PKP4: variants seen among roughly 807,000 people sequenced by gnomAD.
The protein encoded by PKP4 is plakophilin 4, also known as plakophilin-4.
PKP4 carries 90 observed loss-of-function variants against 145.1 expected under a neutral mutation model. That is an observed-to-expected ratio of 0.62 (90% CI 0.52 to 0.74). The LOEUF (loss-of-function observed/expected upper bound fraction) is 0.74, where lower values mean the gene tolerates loss of function less well. Among genes scored for constraint, PKP4 ranks in the 30% least tolerant of loss-of-function variants. The probability of loss-of-function intolerance (pLI) is 0.00; values close to 1 mark genes in which losing one functional copy is unlikely to be tolerated. For synonymous variants in PKP4, 563 were observed against 577.2 expected (o/e 0.98, Z 0.35); for missense variants, 1,340 against 1,482.7 (o/e 0.90, Z 1.58).
chr2:158,672,848 TA>T (rs11341504), intron 17 of PKP4, among the ~76,000 whole-genome samples: 91,378 of 151,924 alleles, frequency 0.6, 28,170 homozygotes, highest in East Asian at 0.78. Flanking sequence ...ATTGGGAAGA[TA>T]ACGGAGTAGA....
Position 158,673,657 on chromosome 2 carries a change from T to C in PKP4, c.2925-20T>C, listed in dbSNP as rs374035941. ...AGGCTGTGTCACCCACATTCATTAA[T>C]ATCCTTGCTCTCTACCTAGATCATC... On this transcript the variant is annotated intron_variant, in intron 17 of 21. Coordinates refer to ENST00000389759, the MANE Select transcript of PKP4 (RefSeq NM_003628.6). 2 of 1,578,618 alleles carry C rather than the reference T, an allele frequency of 1.3e-6. No individual in the cohort carries two copies. The highest frequency in any genetic ancestry group is 1.7e-6 in the Non-Finnish European group (2 of 1,149,238).
chr2:158,679,984 A>G (rs1162892301), intron 21 of PKP4, among the ~76,000 whole-genome samples: 1 of 152,224 alleles, frequency 6.6e-6, no homozygotes, highest in African/African-American at 2.4e-5. Context: ...TAATTATACA[A>G]TTATCCAAGG....
intron 9 of PKP4, among the ~76,000 whole-genome samples, chr2:158,637,995 C>T (rs1342061433): frequency 6.6e-6 from 1 of 152,274 alleles, no homozygotes; most frequent in Admixed American, 6.5e-5. Context: ...CTCATGGCAC[C>T]GGGGATGTCA....
intron 3 of PKP4, among the ~76,000 whole-genome samples, chr2:158,594,857 G>A (rs1001196702): frequency 2.6e-5 from 4 of 152,130 alleles, no homozygotes; most frequent in South Asian, 4.1e-4. Context: ...GAGCCCCTCC[G>A]AGGTGGTAGT....
chr2:158,628,498 T>C (rs979172320), intron 7 of PKP4, among the ~76,000 whole-genome samples: 2 of 152,212 alleles, frequency 1.3e-5, no homozygotes, highest in Admixed American at 6.5e-5. Context: ...ATTTATTATG[T>C]CATTCAGAAG....
intron 13 of PKP4, 187 bp from the exon 14 acceptor site, chr2:158,662,710 C>A (rs1048999151): frequency 8.1e-6 from 4 of 492,118 alleles, no homozygotes; most frequent in Non-Finnish European, 1.4e-5. Context: ...GCTCTGCATC[C>A]TGTCATCTGG....
chr2:158,598,717 C>G (rs574607216), intron 3 of PKP4, among the ~76,000 whole-genome samples: 266 of 152,168 alleles, frequency 1.7e-3, no homozygotes, highest in Non-Finnish European at 3.0e-3. Flanking sequence ...TGCAGTGAGG[C>G]GAGATCGCGC....
At chr2:158,518,677 C>T (rs545700061) in intron 1 of PKP4, among the ~76,000 whole-genome samples, 3 of 152,170 alleles carry the variant, frequency 2.0e-5, no homozygotes, top group Non-Finnish European at 4.4e-5. Context: ...GCAGAATTTC[C>T]TTTTATTCAG....
At chr2:158,530,459 G>A (rs1449497032) in intron 1 of PKP4, among the ~76,000 whole-genome samples, 1 of 149,508 alleles carries the variant, frequency 6.7e-6, no homozygotes, top group Admixed American at 6.7e-5. Flanking sequence ...GAAGCGTGAG[G>A]CCTAATTTCT....
chr2:158,530,504 C>CTT (rs869120223), intron 1 of PKP4, among the ~76,000 whole-genome samples: 4,221 of 91,244 alleles, frequency 0.046, 197 homozygotes, highest in African/African-American at 0.11. Flanking sequence ...CTCTTTCTTT[C>CTT]TTTTTTTTTT....
At chr2:158,467,799 A>G (rs1690874270) in intron 1 of PKP4, among the ~76,000 whole-genome samples, 1 of 152,174 alleles carries the variant, frequency 6.6e-6, no homozygotes, top group South Asian at 2.1e-4. Context: ...GTGAGTTATG[A>G]TAGTGCCACT....
At chr2:158,461,782 C>T (rs904140252) in intron 1 of PKP4, among the ~76,000 whole-genome samples, 2 of 152,090 alleles carry the variant, frequency 1.3e-5, no homozygotes, top group Non-Finnish European at 2.9e-5. Context: ...GGTGTTAGTA[C>T]TGCTCTTCCT....
intron 16 of PKP4, among the ~76,000 whole-genome samples, chr2:158,666,937 C>A (rs1214704170): frequency 6.6e-6 from 1 of 152,194 alleles, no homozygotes; most frequent in Non-Finnish European, 1.5e-5. Flanking sequence ...CACTACCATA[C>A]TCTAAATAAA....
At chr2:158,632,667 T>C (rs1163222792) in intron 8 of PKP4, 2 of 152,046 alleles carry the variant, frequency 1.3e-5, no homozygotes, top group Non-Finnish European at 2.9e-5. Flanking sequence ...TTTATTAACA[T>C]GCTTACAAAT....
chr2:158,633,200 C>T (rs1261592693), intron 8 of PKP4, among the ~76,000 whole-genome samples: 2 of 152,230 alleles, frequency 1.3e-5, no homozygotes, highest in African/African-American at 2.4e-5. Context: ...CCTGAAATGG[C>T]AGATGGTACT....
chr2:158,611,331 A>G (rs2051127933), intron 4 of PKP4, among the ~76,000 whole-genome samples: 1 of 152,214 alleles, frequency 6.6e-6, no homozygotes, highest in Non-Finnish European at 1.5e-5. Context: ...TACTGGCATT[A>G]GTTAATGTTT....
rs13020308 is a variant in PKP4 at position 158,582,515 on chromosome 2, C to T, written c.245+5132C>T. On this transcript the variant is annotated intron_variant, in intron 3 of 21. Coordinates refer to ENST00000389759, the MANE Select transcript of PKP4 (RefSeq NM_003628.6). The stretch of plus-strand genomic sequence containing the variant: ...TGTAACCTTCCATGCCACATTCACT[C>T]TGAGTGACCTAATAGCCATGGTAAA... Among the ~76,000 whole-genome samples the T allele has an allele frequency of 2.0e-4, 30 of 152,300 alleles. No individual in the cohort carries two copies. The East Asian group carries it at 2.1e-3, about 11-fold the overall frequency.
chr2:158,601,619 A>G (rs1038003149), intron 3 of PKP4, among the ~76,000 whole-genome samples: 1 of 152,174 alleles, frequency 6.6e-6, no homozygotes, highest in Non-Finnish European at 1.5e-5. Context: ...AGTGTTTCAG[A>G]TAAAGGAACA....
At chr2:158,549,146 C>A in intron 2 of PKP4, 1 of 200,460 alleles carries the variant, frequency 5.0e-6, no homozygotes, top group South Asian at 1.0e-4. Flanking sequence ...GAGGCAGTGT[C>A]CTGGGTTCCA....
Sources: gnomAD v4.1 joint callset for allele counts (sites outside exome capture counted in the v4.1 genomes callset) on GRCh38, gnomAD v4.1.1 for gene constraint, MANE v1.5 for transcripts, NCBI Gene and HGNC (gene_info 2026-07-23, HGNC 2026-07-21) for gene names.